The following TYW1B variants were observed in gnomAD, a reference collection of about 807,000 sequenced individuals.
TYW1B encodes the protein tRNA-yW synthesizing protein 1 homolog B.
TYW1B carries 73 observed loss-of-function variants against 86.9 expected under a neutral mutation model. That is an observed-to-expected ratio of 0.84 (90% CI 0.70 to 1.02). The LOEUF is 1.02. Among genes scored for constraint, TYW1B ranks in the 50% least tolerant of loss-of-function variants. The pLI, the probability that TYW1B is intolerant of heterozygous loss-of-function variation, is 0.00. For missense variants in TYW1B, 637 were observed against 827.4 expected, an observed-to-expected ratio of 0.77 and a Z score of 2.82; for synonymous variants, 248 against 292.8, an observed-to-expected ratio of 0.85 and a Z score of 1.56.
intron 11 of TYW1B, among the ~76,000 whole-genome samples, chr7:72,632,112 C>A (rs1412719850): frequency 6.6e-6 from 1 of 150,684 alleles, no homozygotes; most frequent in African/African-American, 2.4e-5. Flanking sequence ...GCCTGGGCAA[C>A]ATAAAGAGAC....
intron 8 of TYW1B, among the ~76,000 whole-genome samples, chr7:72,731,123 T>TG (rs1435853325): frequency 4.8e-5 from 5 of 105,196 alleles, no homozygotes; most frequent in African/African-American, 1.9e-4. Flanking sequence ...TTCTAAGGGC[T>TG]GGAAAAAAAA....
chr7:72,827,736 G>A (rs2129573039), intron 1 of TYW1B, among the ~76,000 whole-genome samples: 1 of 151,618 alleles, frequency 6.6e-6, no homozygotes, highest in Admixed American at 6.6e-5. Flanking sequence ...TTTTTTTTAA[G>A]AGAGATATGG....
intron 9 of TYW1B, among the ~76,000 whole-genome samples, chr7:72,715,904 C>T (rs1473374756): frequency 6.6e-6 from 1 of 152,072 alleles, no homozygotes; most frequent in African/African-American, 2.4e-5. Flanking sequence ...TCTTCTCCGA[C>T]TCCTATTGGA....
intron 7 of TYW1B, among the ~76,000 whole-genome samples, chr7:72,755,092 G>A (rs1268430174): frequency 2.0e-5 from 3 of 152,068 alleles, no homozygotes; most frequent in Admixed American, 6.6e-5. Context: ...ACAGGGTTTA[G>A]CACACTGCTA....
chr7:72,708,257 C>T (rs1170750755), intron 10 of TYW1B, among the ~76,000 whole-genome samples: 1 of 151,918 alleles, frequency 6.6e-6, no homozygotes, highest in Non-Finnish European at 1.5e-5. Context: ...GTCTAGATTC[C>T]CCTGAAAAGA....
chr7:72,622,424 C>T (rs2129568550), intron 12 of TYW1B, among the ~76,000 whole-genome samples: 1 of 152,296 alleles, frequency 6.6e-6, no homozygotes, highest in Middle Eastern at 3.4e-3. Context: ...TCAAAACAAA[C>T]TTATTAAAGA....
chr7:72,596,572 C>A (rs1318356510), intron 13 of TYW1B, among the ~76,000 whole-genome samples: 2 of 152,156 alleles, frequency 1.3e-5, no homozygotes, highest in Non-Finnish European at 2.9e-5. Context: ...GTTGGAAAAA[C>A]ACTACATGCA....
intron 13 of TYW1B, among the ~76,000 whole-genome samples, chr7:72,591,147 CAA>C (rs879992691): frequency 7.3e-6 from 1 of 137,154 alleles, no homozygotes; most frequent in Admixed American, 7.3e-5. Flanking sequence ...ATCCGAATAG[CAA>C]AAAAAAAAGA....
chr7:72,661,346 C>T (rs369736285), intron 11 of TYW1B, among the ~76,000 whole-genome samples: 1 of 150,474 alleles, frequency 6.6e-6, no homozygotes, highest in African/African-American at 2.4e-5. Context: ...GCACGAAATT[C>T]TCTGGGTTTC....
intron 10 of TYW1B, among the ~76,000 whole-genome samples, chr7:72,698,140 GCT>G (rs1316987420): frequency 1.3e-5 from 2 of 152,228 alleles, no homozygotes; most frequent in Non-Finnish European, 2.9e-5. Flanking sequence ...AAGCCAAATA[GCT>G]CAGGAGGAAG....
At chr7:72,736,517 TGAAGAGGAGCCTCTACTTCAC>T (rs568046584) in intron 8 of TYW1B, among the ~76,000 whole-genome samples, 115 of 152,318 alleles carry the variant, frequency 7.5e-4, no homozygotes, top group African/African-American at 2.5e-3. Context: ...AAAATCTCTT[TGAAGAGGAGCCTCTACTTCAC>T]TTTTTACATG....
intron 11 of TYW1B, among the ~76,000 whole-genome samples, chr7:72,634,560 G>C (rs1469575966): frequency 1.5e-4 from 23 of 149,946 alleles, no homozygotes; most frequent in Non-Finnish European, 1.2e-4. Context: ...CTGGGTCATG[G>C]GGGATATGTA....
At chr7:72,748,023 C>A (rs1198273758) in intron 7 of TYW1B, among the ~76,000 whole-genome samples, 2 of 152,156 alleles carry the variant, frequency 1.3e-5, no homozygotes, top group Non-Finnish European at 1.5e-5. Flanking sequence ...GTAATCCCAG[C>A]ACTTTGGGAG....
At chr7:72,809,123 A>C (rs1258716038) in intron 4 of TYW1B, among the ~76,000 whole-genome samples, 1 of 146,430 alleles carries the variant, frequency 6.8e-6, no homozygotes, top group East Asian at 2.0e-4. Context: ...GCTCACTGCA[A>C]TCTCCGCCTC....
intron 2 of TYW1B, among the ~76,000 whole-genome samples, chr7:72,825,278 A>G (rs1586013943): frequency 6.6e-6 from 1 of 152,130 alleles, no homozygotes; most frequent in East Asian, 1.9e-4. Context: ...CCCAAAAAAG[A>G]GAGAATGGGA....
intron 8 of TYW1B, among the ~76,000 whole-genome samples, chr7:72,743,844 C>CAAA (rs71071911): frequency 1.1e-5 from 1 of 87,496 alleles, no homozygotes; most frequent in African/African-American, 4.0e-5. Context: ...AACTCCATCT[C>CAAA]AAAAAAAAAA....
chr7:72,756,201 TTTTTA>T (rs66806955), intron 7 of TYW1B, among the ~76,000 whole-genome samples: 11,883 of 138,748 alleles, frequency 0.086, 671 homozygotes, highest in African/African-American at 0.15. Flanking sequence ...GTTTATTATT[TTTTTA>T]TTTTATTTTA....
rs1554476901 is a variant in TYW1B, at chr7:72,807,196, T to C, written c.593A>G (p.Gln198Arg). The stretch of plus-strand genomic sequence containing the variant: ...ACAGGACTTCTTTCTCTCCCCTTTC[T>C]GAAGTGCCTGCAGCTGGGAGATGAA... ...TKFISQLQAL[Q>R]KGERKKSCGG... is the part of the protein sequence containing the mutation. Residue 198 changes from glutamine (Q) to arginine (R), a missense_variant, in exon 5 of 14, where the codon CAG becomes CGG. Physicochemically the swap from Gln to Arg is conservative, Grantham distance 43. Transcript: ENST00000620995. 1.2e-6 allele frequency: 2 copies of C among 1,613,928 alleles called. No individual in the cohort carries two copies. The highest frequency in any genetic ancestry group is 1.7e-5 in the Admixed American group (1 of 59,930).
At position 72,610,615 on chromosome 7, in the gene TYW1B, G is replaced by C. The variant is rs1367128540; in HGVS notation, c.1785+6057C>G. ...GGTGAAACAGTTGCTGGACCTGAGGGTTATAACAGGTTTGTTGTTGTTGTT... is the reference window on the plus strand; with the variant it reads ...GGTGAAACAGTTGCTGGACCTGAGGCTTATAACAGGTTTGTTGTTGTTGTT... On this transcript the variant is annotated intron_variant, in intron 13 of 13. Transcript: ENST00000620995. Among the ~76,000 whole-genome samples the C allele has an allele frequency of 3.3e-5, 5 of 152,120 alleles. No homozygotes were observed. The South Asian group carries it at 8.3e-4, about 25-fold the overall frequency.
Sources: gnomAD v4.1 joint callset for allele counts (sites outside exome capture counted in the v4.1 genomes callset) on GRCh38, gnomAD v4.1.1 for gene constraint, MANE v1.5 for transcripts, NCBI Gene and HGNC (gene_info 2026-07-23, HGNC 2026-07-21) for gene names.